NUCB2: variants seen among roughly 807,000 people sequenced by gnomAD.
The protein encoded by NUCB2 is nucleobindin 2.
A neutral mutation model predicts 57.9 loss-of-function variants in NUCB2; 48 were observed. The ratio of observed to expected loss-of-function variants is 0.83; its 90% confidence interval spans 0.66 to 1.05. The LOEUF is 1.05. Among genes scored for constraint, NUCB2 ranks in the 50% least tolerant of loss-of-function variants. NUCB2 has a pLI of 0.00. For missense variants in NUCB2, 442 were observed against 476.2 expected (o/e 0.93, Z 0.67); for synonymous variants, 139 against 152.1 (o/e 0.91, Z 0.64).
chr11:17,293,244 ACT>A (rs1945236223), intron 2 of NUCB2, among the ~76,000 whole-genome samples: 1 of 131,746 alleles, frequency 7.6e-6, no homozygotes, highest in Non-Finnish European at 1.6e-5. Flanking sequence ...ATAGAGCAAG[ACT>A]CTGTCTCAAA....
exon 3 of NUCB2, chr11:17,349,902 G>A (rs1255578796): frequency 6.6e-6 from 1 of 152,204 alleles, no homozygotes; most frequent in East Asian, 1.9e-4. Flanking sequence ...TGACCTCAGT[G>A]TCAACCAGCA....
At chr11:17,334,961 T>A (rs1022653333), downstream of NUCB2, among the ~76,000 whole-genome samples, 2 of 152,038 alleles carry the variant, frequency 1.3e-5, no homozygotes, top group Non-Finnish European at 2.9e-5. Context: ...AAACTGTTAG[T>A]CCTTATTTTA....
chr11:17,310,552 T>A (rs1591434376), intron 6 of NUCB2, among the ~76,000 whole-genome samples: 1 of 151,714 alleles, frequency 6.6e-6, no homozygotes, highest in South Asian at 2.1e-4. Flanking sequence ...GAGGCTGAGG[T>A]GGGATAATCG....
At position 17,312,043 on chromosome 11, in the gene NUCB2, G is replaced by T; in HGVS notation, c.835G>T (p.Asp279Tyr). Residue 279 changes from aspartate to tyrosine, a missense_variant, in exon 10 of 14, where the codon GAC (aspartate) becomes TAC (tyrosine). Physicochemically the swap from Asp to Tyr is radical, Grantham distance 160 (BLOSUM62 -3). Coordinates refer to ENST00000529010, the MANE Select transcript of NUCB2 (RefSeq NM_005013.4). The stretch of plus-strand genomic sequence containing the variant: ...TTCTTTTTAGTTGGAGAAAGTATAT[G>T]ACCCTAAAAATGAAGAGGATGATAT... ...LFTKELEKVYDPKNEEDDMVE... is the reference protein window; with the variant it reads ...LFTKELEKVYYPKNEEDDMVE... The T allele has an allele frequency of 6.3e-7, 1 of 1,585,642 alleles. No individual in the cohort carries two copies. The highest frequency in any genetic ancestry group is 8.6e-7 in the Non-Finnish European group (1 of 1,167,318).
At chr11:17,324,678 C>T (rs1463527114) in intron 11 of NUCB2, among the ~76,000 whole-genome samples, 1 of 152,172 alleles carries the variant, frequency 6.6e-6, no homozygotes, top group Non-Finnish European at 1.5e-5. Context: ...AAGTGATCCG[C>T]CCACCTTGGC....
At chr11:17,285,743 C>CAAAAAAAAAA (rs1159389193) in intron 2 of NUCB2, among the ~76,000 whole-genome samples, 5 of 36,074 alleles carry the variant, frequency 1.4e-4, no homozygotes, top group East Asian at 5.7e-4. Flanking sequence ...GACTCCGTCT[C>CAAAAAAAAAA]AAAAAAAAAA....
At chr11:17,318,961 A>G (rs1223003665) in intron 11 of NUCB2, among the ~76,000 whole-genome samples, 3 of 152,170 alleles carry the variant, frequency 2.0e-5, no homozygotes, top group South Asian at 2.1e-4. Flanking sequence ...ACTTGAGCCC[A>G]GGAGTTTGAG....
chr11:17,294,678 T>TAAAAA (rs34406631), intron 2 of NUCB2, among the ~76,000 whole-genome samples: 4 of 102,662 alleles, frequency 3.9e-5, no homozygotes, highest in Non-Finnish European at 7.8e-5. Flanking sequence ...CGTGTTGCCT[T>TAAAAA]AAAAAAAAAA....
Position 17,295,033 on chromosome 11 carries a change from A to C in NUCB2, c.1-291A>C, listed in dbSNP as rs564920648. Among the ~76,000 whole-genome samples the C allele has an allele frequency of 5.3e-5, 8 of 152,284 alleles. No homozygotes were observed. The East Asian group carries it at 1.5e-3, about 29-fold the overall frequency. On this transcript the variant is annotated intron_variant, in intron 2 of 13. Transcript: ENST00000529010. The stretch of plus-strand genomic sequence containing the variant: ...ATTGCACTCCAGCCTGGGCAACAAG[A>C]GTGAAACTCTGTCTCAAACAAACAA...
At chr11:17,338,299 T>C (rs1166033595) in intron 2 of NUCB2, among the ~76,000 whole-genome samples, 3 of 152,192 alleles carry the variant, frequency 2.0e-5, no homozygotes, top group African/African-American at 7.2e-5. Flanking sequence ...GCAGAGCTTT[T>C]AGTTTATATT....
intron 3 of NUCB2, 138 bp downstream of exon 3, chr11:17,295,605 A>T: frequency 1.5e-6 from 1 of 687,758 alleles, no homozygotes; most frequent in Non-Finnish European, 2.4e-6. Context: ...GCTAATATTT[A>T]TTACTTATAA....
At chr11:17,289,064 C>T in intron 2 of NUCB2, among the ~76,000 whole-genome samples, 1 of 150,990 alleles carries the variant, frequency 6.6e-6, no homozygotes, top group East Asian at 2.0e-4. Flanking sequence ...TCAGGAGATT[C>T]TCCTGCCTCA....
chr11:17,287,767 AGTTGCAT>A lies in NUCB2; in HGVS notation c.-1+4826_-1+4832del, dbSNP rs1944033750. On this transcript the variant is annotated intron_variant, in intron 2 of 13. Coordinates refer to ENST00000529010, the MANE Select transcript of NUCB2 (RefSeq NM_005013.4). ...GTAATCCCAGCACTTTGGGAGGCCA[AGTTGCAT>A]GGATCACTTGAGGTCAGGAGTTTGA... 2.6e-5 allele frequency among the ~76,000 whole-genome samples: 4 copies of A among 152,268 alleles called. No individual in the cohort carries two copies. The South Asian group carries it at 8.3e-4, about 32-fold the overall frequency.
chr11:17,321,222 C>T (rs1949977825), intron 11 of NUCB2, among the ~76,000 whole-genome samples: 1 of 150,714 alleles, frequency 6.6e-6, no homozygotes, highest in African/African-American at 2.4e-5. Flanking sequence ...TTTTGGTACC[C>T]ATTAACTATC....
intron 5 of NUCB2, among the ~76,000 whole-genome samples, chr11:17,304,968 A>C (rs1947377965): frequency 6.6e-6 from 1 of 152,242 alleles, no homozygotes; most frequent in African/African-American, 2.4e-5. Flanking sequence ...AATCCAAATA[A>C]AAATATATAC....
At chr11:17,348,586 T>C (rs1952964148) in intron 2 of NUCB2, among the ~76,000 whole-genome samples, 1 of 152,018 alleles carries the variant, frequency 6.6e-6, no homozygotes, top group Non-Finnish European at 1.5e-5. Flanking sequence ...GTGATCCTCC[T>C]GTCTTGGCTT....
intron 2 of NUCB2, among the ~76,000 whole-genome samples, chr11:17,339,218 C>G (rs184905941): frequency 6.6e-6 from 1 of 151,664 alleles, no homozygotes; most frequent in Non-Finnish European, 1.5e-5. Flanking sequence ...GAATGCCTGA[C>G]CTCAGCCGAT....
At chr11:17,303,268 G>A (rs1189767074) in intron 5 of NUCB2, among the ~76,000 whole-genome samples, 1 of 152,076 alleles carries the variant, frequency 6.6e-6, no homozygotes, top group Non-Finnish European at 1.5e-5. Context: ...CATAGAAAAA[G>A]AAGGAAAGCT....
chr11:17,284,820 C>A (rs1943345525), intron 2 of NUCB2, among the ~76,000 whole-genome samples: 1 of 152,110 alleles, frequency 6.6e-6, no homozygotes, highest in Non-Finnish European at 1.5e-5. Context: ...TCATGCTATG[C>A]ATTGTTTTGT....
Sources: allele counts gnomAD v4.1 joint callset (sites outside exome capture counted in the v4.1 genomes callset), GRCh38; gene constraint gnomAD v4.1.1; transcripts MANE v1.5; gene names NCBI Gene and HGNC (gene_info 2026-07-23, HGNC 2026-07-21).